The following PAK4 variants were observed in gnomAD, a reference collection of about 807,000 sequenced individuals.
PAK4 encodes p21 (RAC1) activated kinase 4, also known as serine/threonine-protein kinase PAK 4.
PAK4 carries 49 observed loss-of-function variants against 53.5 expected under a neutral mutation model. That is an observed-to-expected ratio of 0.92 (90% CI 0.73 to 1.16). The LOEUF (loss-of-function observed/expected upper bound fraction) is 1.16, where lower values mean the gene tolerates loss of function less well. Among genes scored for constraint, PAK4 ranks in the 50% most tolerant of loss-of-function variants. The probability of loss-of-function intolerance (pLI) is 0.00; values close to 1 mark genes in which losing one functional copy is unlikely to be tolerated. For synonymous variants in PAK4, 376 were observed against 375.6 expected, an observed-to-expected ratio of 1.00 and a Z score of -0.01; for missense variants, 824 against 850.7, an observed-to-expected ratio of 0.97 and a Z score of 0.39.
intron 1 of PAK4, among the ~76,000 whole-genome samples, chr19:39,158,210 T>TGTGGGTGTGC (rs1337019493): frequency 6.6e-6 from 1 of 151,588 alleles, no homozygotes; most frequent in Non-Finnish European, 1.5e-5. Flanking sequence ...TATGTGCATG[T>TGTGGGTGTGC]GTGGGTGTGC....
At chr19:39,180,985 C>G (rs1424045214), downstream of PAK4, 1 of 152,258 alleles carries the variant, frequency 6.6e-6, no homozygotes, top group East Asian at 1.9e-4. Flanking sequence ...AAACCACGGG[C>G]TCAGAGACGG....
In PAK4 at chr19:39,144,100, A is replaced by G. The variant is rs935624824; in HGVS notation, c.-23+18181A>G. Reference sequence around the variant, plus strand: ...GCGAGCAAGACCCTATCTCAGGTAGATAGATAGATAGATAGATAGACAGAC... The same window carrying G: ...GCGAGCAAGACCCTATCTCAGGTAGGTAGATAGATAGATAGATAGACAGAC... On this transcript the variant is annotated intron_variant, in intron 1 of 8. Coordinates refer to ENST00000358301, the Ensembl canonical transcript of PAK4. Among the ~76,000 whole-genome samples, 31 of 97,366 alleles carry G rather than the reference A, an allele frequency of 3.2e-4. No individual in the cohort carries two copies. The East Asian group carries it at 3.2e-3, about 10-fold the overall frequency. 63.9% of individuals were successfully genotyped at this position (97,366 alleles called of 152,430 possible).
chr19:39,177,942 A>C (rs2144888325), intron 8 of PAK4, 133 bp downstream of exon 9: 2 of 1,024,300 alleles, frequency 2.0e-6, no homozygotes, highest in Non-Finnish European at 1.4e-6. Flanking sequence ...TGGGCCCCCC[A>C]CCCCCGGGCC....
Position 39,148,466 on chromosome 19 carries a change from CTT to C in PAK4, c.-22-21046_-22-21045del, listed in dbSNP as rs74176491. ...TTAGGTACCAAATAAGTTTCTTCTG[CTT>C]TTTTTTTTTTTTTTTTTTTGAGAGA... On this transcript the variant is annotated intron_variant, in intron 1 of 8. Transcript: ENST00000358301. Among the ~76,000 whole-genome samples the C allele has an allele frequency of 8.9e-3, 506 of 56,804 alleles. 20 individuals are homozygous for C. Among genetic ancestry groups the C allele is most frequent in the African/African-American group, 0.036 (465 of 13,094 alleles). 37.3% of individuals were successfully genotyped at this position (56,804 alleles called of 152,430 possible). A position where few individuals can be genotyped will look rare whatever the true frequency, so the allele number is the denominator to read the frequency against.
intron 1 of PAK4, among the ~76,000 whole-genome samples, chr19:39,156,463 TA>T (rs1228821925): frequency 1.3e-5 from 2 of 152,132 alleles, no homozygotes; most frequent in African/African-American, 2.4e-5. Flanking sequence ...TAGCCTGGCA[TA>T]GGGGGGTGAG....
chr19:39,127,612 G>C (rs1050980572), intron 1 of PAK4, among the ~76,000 whole-genome samples: 3 of 152,136 alleles, frequency 2.0e-5, no homozygotes, highest in Non-Finnish European at 4.4e-5. Flanking sequence ...TGTGCCGGGT[G>C]CTGGGAGTGT....
chr19:39,153,106 A>G (rs1247888301), intron 1 of PAK4, among the ~76,000 whole-genome samples: 1 of 152,122 alleles, frequency 6.6e-6, no homozygotes, highest in Non-Finnish European at 1.5e-5. Context: ...CACAGTGAAA[A>G]TTGCATAAAA....
intron 2 of PAK4, among the ~76,000 whole-genome samples, chr19:39,172,113 A>G (rs900388562): frequency 1.1e-4 from 16 of 151,954 alleles, no homozygotes; most frequent in African/African-American, 3.4e-4. Context: ...CTCACTGAGA[A>G]GCTGAGTTTT....
chr19:39,135,362 G>T (rs111637691), intron 1 of PAK4, among the ~76,000 whole-genome samples: 1,644 of 114,576 alleles, frequency 0.014, 11 homozygotes, highest in Middle Eastern at 0.045. Context: ...TTGAGATGGA[G>T]CCTTGCTCTG....
At chr19:39,127,940 C>T (rs2073620338) in intron 1 of PAK4, among the ~76,000 whole-genome samples, 1 of 152,130 alleles carries the variant, frequency 6.6e-6, no homozygotes, top group Admixed American at 6.5e-5. Context: ...GGGATCTGGG[C>T]AACACGTAGC....
At chr19:39,172,319 G>C (rs531794517) in intron 2 of PAK4, among the ~76,000 whole-genome samples, 1 of 152,102 alleles carries the variant, frequency 6.6e-6, no homozygotes, top group African/African-American at 2.4e-5. Context: ...GGTGGGGACC[G>C]GGTGACTCGG....
chr19:39,175,540 A>C lies in PAK4; in HGVS notation c.1359+102A>C. On this transcript the variant is annotated intron_variant, in intron 6 of 8. Transcript: ENST00000358301. The surrounding 1 kb of genome is among the most constrained non-coding windows in gnomAD (Gnocchi z 4.7). Reference sequence around the variant, plus strand: ...TGAGGGTAGGTGAGCTCTGACCCCCAGGTCTGTGTCTTGAGGAGCTGGGAA... The same window carrying C: ...TGAGGGTAGGTGAGCTCTGACCCCCCGGTCTGTGTCTTGAGGAGCTGGGAA... The C allele has an allele frequency of 7.8e-7, 1 of 1,283,520 alleles. No individual in the cohort carries two copies. Among genetic ancestry groups the C allele is most frequent in the Non-Finnish European group, 1.1e-6 (1 of 928,876 alleles). The allele number at this position is 1,283,520 out of a possible 1,614,324, so 79.5% of individuals were successfully genotyped here.
rs139684300 is a variant in PAK4 at position 39,140,495 on chromosome 19, G to A, written c.-23+14576G>A. Among the ~76,000 whole-genome samples, 20 of 152,292 alleles carry A rather than the reference G, an allele frequency of 1.3e-4. No individual in the cohort carries two copies. The East Asian group carries it at 3.5e-3, about 26-fold the overall frequency. ...TGACACCAGCCACCTCTACGGTCCC[G>A]GGAGTCCTCTACTGCCAGTTAATGT... On this transcript the variant is annotated intron_variant, in intron 1 of 8. Transcript: ENST00000358301.
chr19:39,136,755 TTGAC>T lies in PAK4; in HGVS notation c.-23+10860_-23+10863del, dbSNP rs111308126. 7.0e-3 allele frequency among the ~76,000 whole-genome samples: 1,066 copies of T among 152,290 alleles called. 14 individuals carry two copies. The highest frequency in any genetic ancestry group is 0.024 in the African/African-American group (981 of 41,538). ...GTGGTAGTCTCTCAGTAAATGCTGG[TTGAC>T]TGACTGACTGACTGACTGACTGAAC... On this transcript the variant is annotated intron_variant, in intron 1 of 8. Coordinates refer to ENST00000358301, the Ensembl canonical transcript of PAK4.
intron 1 of PAK4, among the ~76,000 whole-genome samples, chr19:39,160,509 C>G (rs1204353502): frequency 1.3e-5 from 2 of 152,026 alleles, no homozygotes; most frequent in African/African-American, 4.8e-5. Context: ...GGCAGCCTCT[C>G]GGAGGAGGTT....
intron 1 of PAK4, among the ~76,000 whole-genome samples, chr19:39,143,592 CAAAAAAAAAAAAAAAAAAA>C (rs544304301): frequency 4.9e-5 from 1 of 20,430 alleles, no homozygotes; most frequent in Non-Finnish European, 8.9e-5. Flanking sequence ...GACTCTGTCT[CAAAAAAAAAAAAAAAAAAA>C]AAAAAAAAAA....
chr19:39,174,905 C>T (rs2074569974), intron 4 of PAK4, 26 bp from the exon 6 acceptor site: 1 of 1,612,992 alleles, frequency 6.2e-7, no homozygotes, highest in South Asian at 1.1e-5. Flanking sequence ...CCGCCTCCCT[C>T]CACCACTGAC....
intron 1 of PAK4, among the ~76,000 whole-genome samples, chr19:39,152,955 G>C (rs2074117166): frequency 6.6e-6 from 1 of 152,132 alleles, no homozygotes; most frequent in Non-Finnish European, 1.5e-5. Context: ...GTTATGGAGG[G>C]CTGACTGAGG....
intron 1 of PAK4, among the ~76,000 whole-genome samples, chr19:39,153,127 T>C (rs977185484): frequency 1.3e-5 from 2 of 152,144 alleles, no homozygotes; most frequent in Admixed American, 6.5e-5. Context: ...CATAAATGTA[T>C]AGCAAAACCA....
Sources: gnomAD v4.1 joint callset for allele counts (sites outside exome capture counted in the v4.1 genomes callset) on GRCh38, gnomAD v4.1.1 for gene constraint, Gnocchi (gnomAD v3.1) non-coding constraint, MANE v1.5 for transcripts, NCBI Gene and HGNC (gene_info 2026-07-23, HGNC 2026-07-21) for gene names.